Variants in PTPRN2 observed in about 807,000 individuals in gnomAD.
PTPRN2 encodes the protein protein tyrosine phosphatase receptor type N2.
A neutral mutation model predicts 118.8 loss-of-function variants in PTPRN2; 74 were observed. The observed-to-expected ratio is 0.62, with a 90% confidence interval of 0.52 to 0.76. PTPRN2 has a LOEUF of 0.76. Ranked by LOEUF, PTPRN2 falls within the 30% of genes least tolerant of loss-of-function variation. PTPRN2 has a pLI of 0.00. For synonymous variants in PTPRN2, 641 were observed against 608.0 expected (o/e 1.05, Z -0.80); for missense variants, 1,481 against 1,394.4 (o/e 1.06, Z -0.99).
chr7:158,539,708 T>G (rs532049739), intron 1 of PTPRN2: 11 of 233,828 alleles, frequency 4.7e-5, no homozygotes, highest in South Asian at 4.6e-4. Flanking sequence ...GAGCCTGGAG[T>G]TGGTGACGGC....
chr7:158,215,127 C>CT (rs1563613951), intron 3 of PTPRN2, among the ~76,000 whole-genome samples: 2 of 152,104 alleles, frequency 1.3e-5, no homozygotes, highest in Non-Finnish European at 2.9e-5. Flanking sequence ...TATGAACACA[C>CT]TTGAAACAAA....
intron 10 of PTPRN2, among the ~76,000 whole-genome samples, chr7:158,085,579 G>A (rs1813300469): frequency 2.7e-5 from 2 of 72,732 alleles, no homozygotes; most frequent in Non-Finnish European, 5.1e-5. Flanking sequence ...CCACACCCTC[G>A]ACGCCCATCC....
At position 157,671,432 on chromosome 7, in the gene PTPRN2, G is replaced by A. The variant is rs1796405170; in HGVS notation, c.2001+11293C>T. 6.6e-6 allele frequency among the ~76,000 whole-genome samples: 1 copy of A among 152,180 alleles called. No individual in the cohort carries two copies. Among genetic ancestry groups the A allele is most frequent in the Non-Finnish European group, 1.5e-5 (1 of 68,030 alleles). On this transcript the variant is annotated intron_variant, in intron 13 of 22. Coordinates refer to ENST00000389418, the MANE Select transcript of PTPRN2 (RefSeq NM_002847.5). This position sits in a 1 kb window ranked among gnomAD's most constrained non-coding sequence, Gnocchi z 4.1. ...AATAGGGCCCTGGTGTTCGGGATGG[G>A]ACGGGCCACCCCGGGCTGAGATGGA...
intron 14 of PTPRN2, among the ~76,000 whole-genome samples, chr7:157,636,687 G>A (rs573697063): frequency 3.2e-4 from 48 of 152,262 alleles, no homozygotes; most frequent in African/African-American, 9.6e-4. Flanking sequence ...CAGGATCTGC[G>A]GTCATCACCT....
intron 21 of PTPRN2, among the ~76,000 whole-genome samples, chr7:157,549,675 T>C (rs1798497968): frequency 6.6e-6 from 1 of 152,248 alleles, no homozygotes; most frequent in South Asian, 2.1e-4. Context: ...AATAATTAAT[T>C]CAGCACATAT....
chr7:158,171,226 C>T (rs1341311854), intron 5 of PTPRN2, among the ~76,000 whole-genome samples: 33 of 88,420 alleles, frequency 3.7e-4, no homozygotes, highest in Non-Finnish European at 6.7e-4. Flanking sequence ...CACATATATA[C>T]ACACATATAT....
chr7:157,753,729 G>A (rs1038410834), intron 12 of PTPRN2, among the ~76,000 whole-genome samples: 4 of 148,716 alleles, frequency 2.7e-5, no homozygotes, highest in African/African-American at 9.8e-5. Context: ...CATGTGCCAG[G>A]CCCCACACCT....
intron 21 of PTPRN2, among the ~76,000 whole-genome samples, chr7:157,559,416 G>A (rs1446836151): frequency 6.6e-6 from 1 of 152,204 alleles, no homozygotes; most frequent in Non-Finnish European, 1.5e-5. Flanking sequence ...GGGAGTGGCA[G>A]AACACACTGG....
intron 12 of PTPRN2, among the ~76,000 whole-genome samples, chr7:157,825,415 C>T (rs763450920): frequency 2.6e-5 from 4 of 152,174 alleles, no homozygotes; most frequent in Non-Finnish European, 4.4e-5. Flanking sequence ...CTGCCTCCCC[C>T]CCAGACTTCT....
intron 11 of PTPRN2, among the ~76,000 whole-genome samples, chr7:157,907,299 C>T (rs557077155): frequency 7.9e-5 from 12 of 151,908 alleles, no homozygotes; most frequent in African/African-American, 1.7e-4. Context: ...GTGTGTCCTG[C>T]GTGGCAGTAT....
intron 2 of PTPRN2, among the ~76,000 whole-genome samples, chr7:158,340,814 A>T (rs1389819563): frequency 6.9e-5 from 2 of 28,802 alleles, no homozygotes; most frequent in African/African-American, 1.2e-4. Flanking sequence ...ACACCCACAC[A>T]TGTCACTCAC....
At chr7:157,998,963 G>A (rs761105661) in intron 11 of PTPRN2, among the ~76,000 whole-genome samples, 5 of 151,998 alleles carry the variant, frequency 3.3e-5, no homozygotes, top group Non-Finnish European at 5.9e-5. Context: ...CGAGGCATCC[G>A]GGGGCCAGGG....
Position 157,611,646 on chromosome 7 carries a change from G to A in PTPRN2, c.2345-7571C>T, listed in dbSNP as rs1049638777. ...GCGGCCCTAATGCAATATGACTGGCGTGCTGTTAGGAAGAAGGACTCTGCA... is the reference window on the plus strand; with the variant it reads ...GCGGCCCTAATGCAATATGACTGGCATGCTGTTAGGAAGAAGGACTCTGCA... On this transcript the variant is annotated intron_variant, in intron 15 of 22. Coordinates refer to ENST00000389418, the MANE Select transcript of PTPRN2 (RefSeq NM_002847.5). This position sits in a 1 kb window ranked among gnomAD's most constrained non-coding sequence, Gnocchi z 5.9. Among the ~76,000 whole-genome samples, 2 of 152,134 alleles carry A rather than the reference G, an allele frequency of 1.3e-5. No individual in the cohort carries two copies. The highest frequency in any genetic ancestry group is 2.9e-5 in the Non-Finnish European group (2 of 68,030).
At chr7:158,545,862 G>A (rs1198772630) in intron 1 of PTPRN2, among the ~76,000 whole-genome samples, 3 of 152,284 alleles carry the variant, frequency 2.0e-5, no homozygotes, top group East Asian at 1.9e-4. Context: ...AGCTGGGTGC[G>A]GTGGCACGCG....
rs1348637105 is a variant in PTPRN2, at chr7:157,787,363, T to C, written c.1789-104426A>G. Among the ~76,000 whole-genome samples, 1 of 152,154 alleles carries C rather than the reference T, an allele frequency of 6.6e-6. No individual in the cohort carries two copies. Among genetic ancestry groups the C allele is most frequent in the Non-Finnish European group, 1.5e-5 (1 of 68,010 alleles). The stretch of plus-strand genomic sequence containing the variant: ...ATGGAAACTGCGACAGGAGGGGGTC[T>C]GGCCTCTGCTGGGAGTGACATCTGA... On this transcript the variant is annotated intron_variant, in intron 12 of 22. Coordinates refer to ENST00000389418, the MANE Select transcript of PTPRN2 (RefSeq NM_002847.5). This position sits in a 1 kb window ranked among gnomAD's most constrained non-coding sequence, Gnocchi z 5.3.
At position 158,416,232 on chromosome 7, in the gene PTPRN2, A is replaced by G. The variant is rs114357285; in HGVS notation, c.163+73503T>C. Among the ~76,000 whole-genome samples the G allele has an allele frequency of 5.4e-3, 818 of 152,306 alleles. 10 individuals carry two copies. Among genetic ancestry groups the G allele is most frequent in the African/African-American group, 0.019 (777 of 41,562 alleles). On this transcript the variant is annotated intron_variant, in intron 2 of 22. Coordinates refer to ENST00000389418, the MANE Select transcript of PTPRN2 (RefSeq NM_002847.5). ...GAATGGGAATCCAGCTTCACTCCAT[A>G]GTCAGCCAGGCTTGGGACAACTGTG...
Position 158,453,088 on chromosome 7 carries a change from T to C in PTPRN2, c.163+36647A>G, listed in dbSNP as rs1273637653. On this transcript the variant is annotated intron_variant, in intron 2 of 22. Coordinates refer to ENST00000389418, the MANE Select transcript of PTPRN2 (RefSeq NM_002847.5). ...ACGTAGGGGAATTGAAAGAGGACAG[T>C]CCTCACCGTACGGTGCAGGGGGCAC... is the stretch of plus-strand genomic sequence containing the variant. Among the ~76,000 whole-genome samples the C allele has an allele frequency of 2.7e-5, 4 of 150,790 alleles. No homozygotes were observed. In the East Asian group the frequency reaches 7.9e-4, roughly 30 times the overall value.
Position 158,136,551 on chromosome 7 carries a change from T to C in PTPRN2, c.1173+104A>G, listed in dbSNP as rs1818834907. ...TATGAGGGGTTTCTCCATAATTTTC[T>C]GGGAAAAAAACTTTTGTATTTCATA... On this transcript the variant is annotated intron_variant, in intron 8 of 22. Transcript: ENST00000389418. 2.6e-5 allele frequency: 28 copies of C among 1,089,946 alleles called. No individual in the cohort carries two copies. In the South Asian group the frequency reaches 3.9e-4, roughly 15 times the overall value. The allele number at this position is 1,089,946 out of a possible 1,614,324, so 67.5% of individuals were successfully genotyped here.
intron 13 of PTPRN2, among the ~76,000 whole-genome samples, chr7:157,679,901 A>G (rs1481646287): frequency 1.3e-5 from 2 of 152,138 alleles, no homozygotes; most frequent in Non-Finnish European, 2.9e-5. Context: ...CCCAGGGAGG[A>G]CGCAGCTCTA....
Sources: allele counts gnomAD v4.1 joint callset (sites outside exome capture counted in the v4.1 genomes callset), GRCh38; gene constraint gnomAD v4.1.1; non-coding constraint Gnocchi (gnomAD v3.1); transcripts MANE v1.5; gene names NCBI Gene and HGNC (gene_info 2026-07-23, HGNC 2026-07-21).